The following TULP4 variants were observed in gnomAD, a reference collection of about 807,000 sequenced individuals.
TULP4 encodes tubby-related protein 4.
Under a neutral mutation model 129.0 loss-of-function variants are expected in TULP4, and 16 were observed. The observed-to-expected ratio is 0.12, with a 90% CI of 0.08 to 0.19. The LOEUF (loss-of-function observed/expected upper bound fraction) is 0.19. Among genes scored for constraint, TULP4 ranks in the 10% least tolerant of loss-of-function variants. The probability of loss-of-function intolerance (pLI) is 1.00; values close to 1 mark genes in which losing one functional copy is unlikely to be tolerated. For synonymous variants in TULP4, 998 were observed against 854.0 expected (o/e 1.17, Z -2.94); for missense variants, 1,842 against 2,059.1 (o/e 0.89, Z 2.04).
chr6:158,236,958 G>C (rs1037601401), intron 1 of TULP4, among the ~76,000 whole-genome samples: 1 of 151,484 alleles, frequency 6.6e-6, no homozygotes, highest in African/African-American at 2.4e-5. Flanking sequence ...CTACAGGTGC[G>C]TGCCACCACA....
intron 1 of TULP4, among the ~76,000 whole-genome samples, chr6:158,305,677 C>T (rs1268649990): frequency 6.8e-6 from 1 of 148,078 alleles, no homozygotes; most frequent in African/African-American, 2.5e-5. Flanking sequence ...TGCACTCCAG[C>T]CCGAAAGACA....
chr6:158,388,653 G>GAA (rs11424136), intron 1 of TULP4, among the ~76,000 whole-genome samples: 6,988 of 142,388 alleles, frequency 0.049, 196 homozygotes, highest in African/African-American at 0.078. Flanking sequence ...TTTTCTAATG[G>GAA]AAAAAAAAAA....
Position 158,428,866 on chromosome 6 carries a change from G to A in TULP4, c.382-870G>A, listed in dbSNP as rs535938662. On this transcript the variant is annotated intron_variant, in intron 2 of 13. Transcript: ENST00000367097. The stretch of plus-strand genomic sequence containing the variant: ...TGTTGACTGAGTCTTCTCTGTAGAT[G>A]AGAACAGTAATACCTTCCGCAGACT... Among the ~76,000 whole-genome samples, 8 of 152,296 alleles carry A rather than the reference G, an allele frequency of 5.3e-5. No homozygotes were observed. The South Asian group carries it at 1.5e-3, about 28-fold the overall frequency.
chr6:158,439,139 C>T (rs2115091768), intron 3 of TULP4, among the ~76,000 whole-genome samples: 1 of 150,890 alleles, frequency 6.6e-6, no homozygotes, highest in African/African-American at 2.4e-5. Flanking sequence ...CCACTGCATT[C>T]CAGCCTGGGT....
At chr6:158,417,690 TC>T (rs1301798030) in intron 2 of TULP4, among the ~76,000 whole-genome samples, 1 of 152,172 alleles carries the variant, frequency 6.6e-6, no homozygotes, top group African/African-American at 2.4e-5. Context: ...AAGAGGAGTG[TC>T]CTTGAAACCA....
intron 1 of TULP4, among the ~76,000 whole-genome samples, chr6:158,240,715 C>T (rs1777873834): frequency 1.6e-5 from 2 of 127,568 alleles, no homozygotes; most frequent in African/African-American, 2.6e-5. Context: ...CCCCACCTCC[C>T]TCCCGGACGG....
At position 158,331,726 on chromosome 6, in the gene TULP4, CACAT is replaced by C. The variant is rs1376932679; in HGVS notation, c.252+17461_252+17464del. Among the ~76,000 whole-genome samples, 227 of 33,088 alleles carry C rather than the reference CACAT, an allele frequency of 6.9e-3. 69 individuals carry two copies. Among genetic ancestry groups the C allele is most frequent in the Non-Finnish European group, 8.0e-3 (142 of 17,644 alleles). 21.7% of individuals were successfully genotyped at this position (33,088 alleles called of 152,430 possible). On this transcript the variant is annotated intron_variant, in intron 1 of 13. Transcript: ENST00000367097. Reference sequence around the variant, plus strand: ...ACACACACACACACACACACACACACACATACGTATATATATACGTGTATATACA... The same window carrying C: ...ACACACACACACACACACACACACACACGTATATATATACGTGTATATACA...
chr6:158,316,629 T>C (rs531992655), intron 1 of TULP4, among the ~76,000 whole-genome samples: 11 of 152,310 alleles, frequency 7.2e-5, no homozygotes, highest in African/African-American at 2.4e-4. Flanking sequence ...TTTATTCTTA[T>C]GTAACAAATC....
At chr6:158,486,762 G>A (rs552507941) in intron 8 of TULP4, among the ~76,000 whole-genome samples, 36 of 152,202 alleles carry the variant, frequency 2.4e-4, no homozygotes, top group African/African-American at 8.2e-4. Context: ...CAGATTTAGA[G>A]TGTATATTTA....
At chr6:158,276,874 C>G (rs982846122) in intron 1 of TULP4, among the ~76,000 whole-genome samples, 1 of 151,944 alleles carries the variant, frequency 6.6e-6, no homozygotes, top group East Asian at 1.9e-4. Flanking sequence ...TTATTAGAAC[C>G]CACATGTTTG....
At chr6:158,426,426 C>T (rs636923) in intron 2 of TULP4, among the ~76,000 whole-genome samples, 37,683 of 152,104 alleles carry the variant, frequency 0.25, 5,770 homozygotes, top group Middle Eastern at 0.35. Context: ...CCAGTTTCAA[C>T]ATTCTGCATA....
chr6:158,246,953 A>T (rs1036515298), intron 1 of TULP4, among the ~76,000 whole-genome samples: 1 of 152,174 alleles, frequency 6.6e-6, no homozygotes, highest in East Asian at 1.9e-4. Flanking sequence ...GAGGATATAG[A>T]TTTATTTGAA....
chr6:158,246,060 G>GTGTA (rs1778026439), intron 1 of TULP4, among the ~76,000 whole-genome samples: 1 of 144,348 alleles, frequency 6.9e-6, no homozygotes, highest in Admixed American at 6.9e-5. Flanking sequence ...GTGTGTGTGT[G>GTGTA]TGTATTGTTC....
intron 2 of TULP4, among the ~76,000 whole-genome samples, chr6:158,417,397 A>G (rs1778234006): frequency 6.6e-6 from 1 of 152,260 alleles, no homozygotes; most frequent in Non-Finnish European, 1.5e-5. Context: ...AGAATCTCAT[A>G]AATGCCTGCC....
intron 1 of TULP4, among the ~76,000 whole-genome samples, chr6:158,359,401 C>CA (rs1394362700): frequency 6.6e-6 from 1 of 152,168 alleles, no homozygotes; most frequent in African/African-American, 2.4e-5. Flanking sequence ...AGTATTAACT[C>CA]ACACGATCAC....
At chr6:158,465,863 C>G (rs1200703227) in intron 6 of TULP4, among the ~76,000 whole-genome samples, 4 of 152,150 alleles carry the variant, frequency 2.6e-5, no homozygotes, top group Non-Finnish European at 4.4e-5. Context: ...CAGGTAGATT[C>G]AGAGATTCTT....
At chr6:158,399,259 TAC>T (rs747291177) in intron 1 of TULP4, among the ~76,000 whole-genome samples, 2 of 152,238 alleles carry the variant, frequency 1.3e-5, no homozygotes, top group African/African-American at 4.8e-5. Context: ...CACTTGTTTT[TAC>T]AGATGCTGAA....
chr6:158,406,448 G>C (rs1777979390), intron 1 of TULP4, among the ~76,000 whole-genome samples: 1 of 152,152 alleles, frequency 6.6e-6, no homozygotes, highest in South Asian at 2.1e-4. Flanking sequence ...TCAATGAATA[G>C]TGCATGTGAT....
intron 3 of TULP4, among the ~76,000 whole-genome samples, chr6:158,445,398 A>G (rs1398861767): frequency 2.0e-5 from 3 of 152,170 alleles, no homozygotes; most frequent in East Asian, 3.9e-4. Flanking sequence ...ATTGGTTTAT[A>G]AAGAAGAATG....
Sources: allele counts gnomAD v4.1 joint callset (sites outside exome capture counted in the v4.1 genomes callset), GRCh38; gene constraint gnomAD v4.1.1; transcripts MANE v1.5; gene names NCBI Gene and HGNC (gene_info 2026-07-23, HGNC 2026-07-21).